The following PIK3R1 variants were observed in gnomAD, a reference collection of about 807,000 sequenced individuals.
PIK3R1 encodes phosphatidylinositol 3-kinase regulatory subunit alpha.
In PIK3R1, 29 loss-of-function variants were observed where a neutral mutation model predicts 98.0. That is an observed-to-expected ratio of 0.30 (90% CI 0.22 to 0.40). The LOEUF (loss-of-function observed/expected upper bound fraction) is 0.40, where lower values mean the gene tolerates loss of function less well. PIK3R1 is among the 10% of genes least tolerant of loss of function. The pLI is 1.00. For synonymous variants in PIK3R1, 282 were observed against 311.8 expected (o/e 0.90, Z 1.01); for missense variants, 596 against 872.7 (o/e 0.68, Z 3.99).
At chr5:68,239,730 A>G (rs770079458) in intron 2 of PIK3R1, among the ~76,000 whole-genome samples, 5 of 152,206 alleles carry the variant, frequency 3.3e-5, no homozygotes, top group Non-Finnish European at 5.9e-5. Flanking sequence ...ACTTCCGACC[A>G]GCCACAAGGC....
intron 2 of PIK3R1, among the ~76,000 whole-genome samples, chr5:68,268,371 C>T (rs937860993): frequency 2.0e-5 from 3 of 152,078 alleles, no homozygotes; most frequent in African/African-American, 2.4e-5. Context: ...TAGTGTCACC[C>T]GTAAAGCTTA....
intron 7 of PIK3R1, chr5:68,291,518 C>T (rs1294723806): frequency 1.3e-5 from 2 of 151,738 alleles, no homozygotes; most frequent in African/African-American, 2.4e-5. Context: ...CCCCCTGCCC[C>T]CATTTAAGGT....
At position 68,298,742 on chromosome 5, in the gene PIK3R1, AG is replaced by A. The variant is rs1747867657; in HGVS notation, c.*1142del. On this transcript the variant is annotated 3_prime_UTR_variant, in exon 16 of 16. Transcript: ENST00000521381. ...AAAGCTGCTTTATTCAATAAAAAAA[AG>A]AAATGAAAAAGATATATGAATATGA... is the stretch of plus-strand genomic sequence containing the variant. The A allele has an allele frequency of 4.3e-6, 1 of 233,462 alleles. No homozygotes were observed. Among genetic ancestry groups the A allele is most frequent in the Non-Finnish European group, 8.5e-6 (1 of 117,928 alleles). The allele number at this position is 233,462 out of a possible 1,614,324, so 14.5% of individuals were successfully genotyped here. A position where few individuals can be genotyped will look rare whatever the true frequency, so the allele number is the denominator to read the frequency against.
intron 2 of PIK3R1, among the ~76,000 whole-genome samples, chr5:68,243,183 T>C (rs1304937487): frequency 1.2e-5 from 1 of 84,946 alleles, no homozygotes; most frequent in Non-Finnish European, 2.3e-5. Context: ...CTGTATTATG[T>C]GAAACATAAC....
rs551387455 is a variant in PIK3R1, at chr5:68,219,511, C to T, written c.-387+3562C>T. Among the ~76,000 whole-genome samples the T allele has an allele frequency of 6.6e-5, 10 of 152,324 alleles. No homozygotes were observed. In the South Asian group the frequency reaches 1.2e-3, roughly 19 times the overall value. On this transcript the variant is annotated intron_variant, in intron 1 of 15. Coordinates refer to ENST00000521381, the MANE Select transcript of PIK3R1 (RefSeq NM_181523.3). ...GATCAAGGGCTGTACCATGAGGACA[C>T]AGCTACTCATCTCTAAATCCTGGGG...
At chr5:68,295,002 TC>T in intron 12 of PIK3R1, 145 bp from the exon 13 acceptor site, 2 of 422,972 alleles carry the variant, frequency 4.7e-6, no homozygotes, top group Admixed American at 4.5e-5. Flanking sequence ...GTTGAGCCAC[TC>T]CAAAAAAAAA....
chr5:68,252,042 G>A (rs999679235), intron 2 of PIK3R1, among the ~76,000 whole-genome samples: 6 of 152,180 alleles, frequency 3.9e-5, no homozygotes, highest in African/African-American at 1.4e-4. Flanking sequence ...TCTGCCAAGT[G>A]TTTGAGCAAT....
intron 2 of PIK3R1, among the ~76,000 whole-genome samples, chr5:68,246,112 G>A (rs1292108812): frequency 1.3e-5 from 2 of 152,036 alleles, no homozygotes; most frequent in African/African-American, 2.4e-5. Flanking sequence ...GATGTTTTCT[G>A]GTAAACACCT....
chr5:68,301,358 A>C lies in PIK3R1; in HGVS notation c.*3757A>C. On this transcript the variant is annotated 3_prime_UTR_variant, in exon 16 of 16. Coordinates refer to ENST00000521381, the MANE Select transcript of PIK3R1 (RefSeq NM_181523.3). ...AGGATGCTGCTATATATATATATAT[A>C]TATATATATGTGTGTGTGTGTGTGT... is the stretch of plus-strand genomic sequence containing the variant. The C allele has an allele frequency of 3.1e-5, 1 of 32,042 alleles. No individual in the cohort carries two copies. The highest frequency in any genetic ancestry group is 1.4e-3 in the South Asian group (1 of 724). The allele number at this position is 32,042 out of a possible 1,614,324, so 2.0% of individuals were successfully genotyped here.
At chr5:68,221,323 A>G (rs926709506) in intron 1 of PIK3R1, among the ~76,000 whole-genome samples, 2 of 152,240 alleles carry the variant, frequency 1.3e-5, no homozygotes, top group Non-Finnish European at 2.9e-5. Context: ...AAGGTAAACC[A>G]TTTTTAAATA....
At chr5:68,236,742 G>C (rs1744684287) in intron 2 of PIK3R1, among the ~76,000 whole-genome samples, 1 of 152,156 alleles carries the variant, frequency 6.6e-6, no homozygotes, top group African/African-American at 2.4e-5. Flanking sequence ...TTTGCTTTTT[G>C]GGTGGTCTTC....
intron 7 of PIK3R1, among the ~76,000 whole-genome samples, chr5:68,289,605 G>T (rs767009643): frequency 2.3e-4 from 35 of 151,404 alleles, no homozygotes; most frequent in Non-Finnish European, 4.3e-4. Context: ...AAGAGAGATT[G>T]GTTCACAATG....
Position 68,226,884 on chromosome 5 carries a change from C to T in PIK3R1, c.209C>T (p.Pro70Leu), listed in dbSNP as rs910474484. Residue 70 changes from proline (P) to leucine (L), a missense_variant, in exon 2 of 16, where the codon CCG becomes CTG. Pro to Leu is a moderately conservative substitution (Grantham distance 98). Transcript: ENST00000521381. ...ACCACAGGGGAAAGGGGGGACTTTCCGGGAACTTACGTAGAATATATTGGA... is the reference window on the plus strand; with the variant it reads ...ACCACAGGGGAAAGGGGGGACTTTCTGGGAACTTACGTAGAATATATTGGA... ...NETTGERGDFPGTYVEYIGRK... is the reference protein window; with the variant it reads ...NETTGERGDFLGTYVEYIGRK... The T allele has an allele frequency of 1.2e-6, 2 of 1,613,980 alleles. No homozygotes were observed. The highest frequency in any genetic ancestry group is 1.7e-5 in the Admixed American group (1 of 59,992).
intron 2 of PIK3R1, among the ~76,000 whole-genome samples, chr5:68,245,367 G>A (rs908882893): frequency 7.2e-5 from 11 of 152,186 alleles, no homozygotes; most frequent in African/African-American, 2.6e-4. Context: ...GTCCTTATGA[G>A]CATGTGGGAG....
chr5:68,236,325 C>T (rs1744667995), intron 2 of PIK3R1, among the ~76,000 whole-genome samples: 1 of 152,086 alleles, frequency 6.6e-6, no homozygotes, highest in Non-Finnish European at 1.5e-5. Flanking sequence ...TCTCGGCTCA[C>T]TGCAAGCTCC....
At position 68,292,316 on chromosome 5, in the gene PIK3R1, A is replaced by G. The variant is rs1452312514; in HGVS notation, c.974A>G (p.Asn325Ser). The part of the protein sequence containing the change: ...TTVANNGMNN[N>S]MSLQDAEWYW... ...GTAGCCAACAACGGTATGAATAACAATATGTCCTTACAAGATGCTGAATGG... is the reference window on the plus strand; with the variant it reads ...GTAGCCAACAACGGTATGAATAACAGTATGTCCTTACAAGATGCTGAATGG... Residue 325 changes from asparagine (N) to serine (S), a missense_variant, in exon 8 of 16, where the codon AAT becomes AGT. Physicochemically the swap from Asn to Ser is conservative, Grantham distance 46. Transcript: ENST00000521381. 4 of 1,613,660 alleles carry G rather than the reference A, an allele frequency of 2.5e-6. No homozygotes were observed. Among genetic ancestry groups the G allele is most frequent in the South Asian group, 2.2e-5 (2 of 91,078 alleles).
chr5:68,250,870 G>T lies in PIK3R1; in HGVS notation c.335-22520G>T, dbSNP rs546066510. On this transcript the variant is annotated intron_variant, in intron 2 of 15. Transcript: ENST00000521381. ...GAATTGGTGCTCTTGGAGTTCTTTA[G>T]ATTAGTTATGAGACTTCAGAACCTG... Among the ~76,000 whole-genome samples, 90 of 152,298 alleles carry T rather than the reference G, an allele frequency of 5.9e-4. 1 individual carries two copies. Among genetic ancestry groups the T allele is most frequent in the African/African-American group, 2.1e-3 (87 of 41,568 alleles).
intron 2 of PIK3R1, among the ~76,000 whole-genome samples, chr5:68,257,817 T>A (rs1745581272): frequency 6.6e-6 from 1 of 152,230 alleles, no homozygotes; most frequent in Non-Finnish European, 1.5e-5. Context: ...TATAATTCCC[T>A]GTTATCTTCT....
intron 2 of PIK3R1, among the ~76,000 whole-genome samples, chr5:68,245,252 G>A (rs774212513): frequency 3.3e-5 from 5 of 152,010 alleles, no homozygotes; most frequent in South Asian, 2.1e-4. Flanking sequence ...TGCATTATAC[G>A]TGAATATATT....
Sources: gnomAD v4.1 joint callset for allele counts (sites outside exome capture counted in the v4.1 genomes callset) on GRCh38, gnomAD v4.1.1 for gene constraint, MANE v1.5 for transcripts, NCBI Gene and HGNC (gene_info 2026-07-23, HGNC 2026-07-21) for gene names.